The following INVS variants were observed in gnomAD, a reference collection of about 807,000 sequenced individuals.
The protein encoded by INVS is inversion of embryo turning homolog.
In INVS, 86 loss-of-function variants were observed where a neutral mutation model predicts 108.8. The ratio of observed to expected loss-of-function variants is 0.79; its 90% confidence interval spans 0.66 to 0.95. The LOEUF (loss-of-function observed/expected upper bound fraction) is 0.95, where lower values mean the gene tolerates loss of function less well. Among genes scored for constraint, INVS ranks in the 40% least tolerant of loss-of-function variants. INVS has a pLI of 0.00. For synonymous variants in INVS, 455 were observed against 473.5 expected, an observed-to-expected ratio of 0.96 and a Z score of 0.51; for missense variants, 1,169 against 1,297.4, an observed-to-expected ratio of 0.90 and a Z score of 1.52.
At position 100,226,114 on chromosome 9, in the gene INVS, A is replaced by G. The variant is rs1214760754; in HGVS notation, c.326A>G (p.Gln109Arg). The change falls in exon 4 of 17, where the codon CAA becomes CGA. Residue 109 changes from glutamine to arginine, a missense_variant. Gln to Arg is a conservative substitution (Grantham distance 43). This residue lies in a region of INVS where 365 missense variants were observed against 397.5 expected (regional missense o/e 0.92). Transcript: ENST00000262457. ...LLLTRRANWM[Q>R]KDLEEMTPLH... The stretch of plus-strand genomic sequence containing the variant: ...CTTACACGCAGAGCAAACTGGATGC[A>G]AAAGGATCTGGAAGAGATGACTCCT... 1.2e-6 allele frequency: 2 copies of G among 1,613,724 alleles called. No individual in the cohort carries two copies. The highest frequency in any genetic ancestry group is 1.7e-6 in the Non-Finnish European group (2 of 1,179,818).
At chr9:100,138,981 C>T (rs1038583499) in intron 3 of INVS, among the ~76,000 whole-genome samples, 1 of 152,190 alleles carries the variant, frequency 6.6e-6, no homozygotes, top group Non-Finnish European at 1.5e-5. Flanking sequence ...GCTGGGATTA[C>T]AGGCGTGAGC....
At chr9:100,262,004 T>C (rs1298680417) in intron 10 of INVS, among the ~76,000 whole-genome samples, 1 of 151,988 alleles carries the variant, frequency 6.6e-6, no homozygotes, top group East Asian at 1.9e-4. Context: ...TTTTTTTTCC[T>C]CTTTTCTGTT....
intron 3 of INVS, among the ~76,000 whole-genome samples, chr9:100,192,511 A>G (rs1436308212): frequency 6.6e-6 from 1 of 152,184 alleles, no homozygotes; most frequent in African/African-American, 2.4e-5. Context: ...AATAAACTGA[A>G]AAAATTAACA....
chr9:100,230,471 T>G (rs1173783309), intron 5 of INVS, among the ~76,000 whole-genome samples: 1 of 146,584 alleles, frequency 6.8e-6, no homozygotes, highest in Non-Finnish European at 1.5e-5. Flanking sequence ...TTTTGTTTTG[T>G]TTTTTTGCAG....
chr9:100,267,040 A>AG (rs1374210514), intron 11 of INVS, among the ~76,000 whole-genome samples: 18 of 150,978 alleles, frequency 1.2e-4, no homozygotes, highest in South Asian at 4.2e-4. Flanking sequence ...AAAAAAAAAA[A>AG]AAAGAAAGTT....
intron 3 of INVS, among the ~76,000 whole-genome samples, chr9:100,223,768 C>G (rs568296207): frequency 1.3e-5 from 2 of 152,360 alleles, no homozygotes; most frequent in African/African-American, 4.8e-5. Context: ...GTCTTCCCAT[C>G]TAATATAGAC....
intron 3 of INVS, among the ~76,000 whole-genome samples, chr9:100,134,188 A>G (rs944414289): frequency 6.6e-6 from 1 of 151,976 alleles, no homozygotes; most frequent in African/African-American, 2.4e-5. Flanking sequence ...AGAACATATG[A>G]TGTTTGGTTT....
At chr9:100,270,418 C>G (rs1832914575) in intron 11 of INVS, among the ~76,000 whole-genome samples, 1 of 151,998 alleles carries the variant, frequency 6.6e-6, no homozygotes, top group Non-Finnish European at 1.5e-5. Flanking sequence ...CGAGACCAGC[C>G]TGGAGAACAT....
chr9:100,221,359 G>A (rs2118370581), intron 3 of INVS, among the ~76,000 whole-genome samples: 1 of 151,144 alleles, frequency 6.6e-6, no homozygotes, highest in Admixed American at 6.6e-5. Flanking sequence ...CCGGGGTGCA[G>A]GGGCACAATC....
chr9:100,119,670 G>A (rs1033405579), intron 2 of INVS, among the ~76,000 whole-genome samples: 1 of 152,166 alleles, frequency 6.6e-6, no homozygotes, highest in Non-Finnish European at 1.5e-5. Flanking sequence ...CCATTCTCCT[G>A]CCGCAGGCTC....
intron 14 of INVS, 52 bp downstream of exon 14, chr9:100,293,095 CAACAT>C: frequency 6.6e-7 from 1 of 1,506,242 alleles, no homozygotes; most frequent in Non-Finnish European, 9.2e-7. Context: ...CTGATATTCT[CAACAT>C]GACATCTGTG....
intron 3 of INVS, among the ~76,000 whole-genome samples, chr9:100,213,484 C>A (rs1459658408): frequency 6.6e-6 from 1 of 151,998 alleles, no homozygotes; most frequent in Non-Finnish European, 1.5e-5. Flanking sequence ...GGGATACAGG[C>A]ATGAGCCACC....
At chr9:100,114,842 G>A (rs1326799174) in intron 2 of INVS, among the ~76,000 whole-genome samples, 2 of 152,144 alleles carry the variant, frequency 1.3e-5, no homozygotes, top group Admixed American at 1.3e-4. Flanking sequence ...TCATTTTGCA[G>A]TTTAAGGACA....
intron 10 of INVS, among the ~76,000 whole-genome samples, chr9:100,256,559 A>G (rs11515449): frequency 0.18 from 27,050 of 152,164 alleles, 2,832 homozygotes; most frequent in African/African-American, 0.29. Context: ...ATTTAGTGCT[A>G]TAAATTTCCC....
chr9:100,175,814 TG>T, intron 3 of INVS: 1 of 671,034 alleles, frequency 1.5e-6, no homozygotes, highest in Non-Finnish European at 2.7e-6. Flanking sequence ...CACTCAGACC[TG>T]GTGCACCCAA....
chr9:100,132,677 A>G (rs116104230), intron 3 of INVS, among the ~76,000 whole-genome samples: 1 of 152,328 alleles, frequency 6.6e-6, no homozygotes, highest in African/African-American at 2.4e-5. Context: ...TTCTTGTCCA[A>G]TTTGTCCTTG....
At chr9:100,206,120 CACA>C in intron 3 of INVS, among the ~76,000 whole-genome samples, 1 of 151,968 alleles carries the variant, frequency 6.6e-6, no homozygotes, top group East Asian at 1.9e-4. Context: ...TTCTGGTTTT[CACA>C]ACAAGAATAC....
intron 3 of INVS, among the ~76,000 whole-genome samples, chr9:100,135,336 T>A (rs966464915): frequency 2.0e-5 from 3 of 152,140 alleles, no homozygotes; most frequent in African/African-American, 7.2e-5. Context: ...TATGCTCTTA[T>A]CCAGGGGTTC....
chr9:100,136,777 C>T lies in INVS; in HGVS notation c.273+10228C>T, dbSNP rs538351285. Among the ~76,000 whole-genome samples the T allele has an allele frequency of 3.3e-5, 5 of 152,274 alleles. No individual in the cohort carries two copies. The South Asian group carries it at 1.0e-3, about 32-fold the overall frequency. ...AGTCGGGTCTGGGCACAGTAGCTCA[C>T]GCGTGTAATCCCAGTGCTTTGGGAG... On this transcript the variant is annotated intron_variant, in intron 3 of 16. Coordinates refer to ENST00000262457, the MANE Select transcript of INVS (RefSeq NM_014425.5).
Sources: gnomAD v4.1 joint callset for allele counts (sites outside exome capture counted in the v4.1 genomes callset) on GRCh38, gnomAD v4.1.1 for gene constraint, gnomAD v4.1.1 regional missense constraint, MANE v1.5 for transcripts, NCBI Gene and HGNC (gene_info 2026-07-23, HGNC 2026-07-21) for gene names.